The following CLTCL1 variants were observed in gnomAD, a reference collection of about 807,000 sequenced individuals.
CLTCL1 encodes the protein clathrin heavy chain 2.
In CLTCL1, 159 loss-of-function variants were observed where a neutral mutation model predicts 190.0. That is an observed-to-expected ratio of 0.84 (90% CI 0.74 to 0.95). The LOEUF is 0.95. Ranked by LOEUF, CLTCL1 falls within the 40% of genes least tolerant of loss-of-function variation. The pLI, the probability that CLTCL1 is intolerant of heterozygous loss-of-function variation, is 0.00. For missense variants in CLTCL1, 1,878 were observed against 2,033.4 expected (o/e 0.92, Z 1.47); for synonymous variants, 752 against 769.6 (o/e 0.98, Z 0.38).
intron 1 of CLTCL1, among the ~76,000 whole-genome samples, chr22:19,289,232 C>G (rs1004131575): frequency 3.9e-5 from 6 of 152,190 alleles, no homozygotes; most frequent in African/African-American, 1.4e-4. Context: ...ATCCACCCGC[C>G]TCGGCCTCCC....
chr22:19,260,943 A>T (rs80107726), intron 2 of CLTCL1, among the ~76,000 whole-genome samples: 3 of 151,478 alleles, frequency 2.0e-5, no homozygotes, highest in African/African-American at 7.3e-5. Context: ...AAAAAAAAAA[A>T]GGTTCCTTTC....
chr22:19,271,831 T>G (rs2518862), intron 2 of CLTCL1, among the ~76,000 whole-genome samples: 10,477 of 152,200 alleles, frequency 0.069, 419 homozygotes, highest in Middle Eastern at 0.16. Context: ...TCTTGGCCAA[T>G]TGAGGTGGCT....
intron 30 of CLTCL1, chr22:19,181,119 C>G: frequency 2.6e-6 from 1 of 389,374 alleles, no homozygotes; most frequent in Non-Finnish European, 4.7e-6. Flanking sequence ...GGGCCAAGTC[C>G]TCCTCTGGAT....
rs2088057666 is a variant in CLTCL1, at chr22:19,290,174, C to G, written c.42+1426G>C. 2.0e-5 allele frequency among the ~76,000 whole-genome samples: 3 copies of G among 152,118 alleles called. No homozygotes were observed. The South Asian group carries it at 6.2e-4, about 32-fold the overall frequency. On this transcript the variant is annotated intron_variant, in intron 1 of 32. Transcript: ENST00000427926. ...TAAAATATCTTGTTGCTTTCTTGCC[C>G]TTTGAAAAGAACATATTTAGATAGT...
At chr22:19,205,108 G>T (rs1163314948) in intron 22 of CLTCL1, among the ~76,000 whole-genome samples, 1 of 151,020 alleles carries the variant, frequency 6.6e-6, no homozygotes. Context: ...AAAAAACTTT[G>T]CAAACACAGG....
chr22:19,270,652 G>T (rs113152974), intron 2 of CLTCL1, among the ~76,000 whole-genome samples: 1 of 151,048 alleles, frequency 6.6e-6, no homozygotes, highest in East Asian at 2.0e-4. Flanking sequence ...GTGTGAACCC[G>T]GGAGGCAGAG....
intron 29 of CLTCL1, among the ~76,000 whole-genome samples, chr22:19,186,878 G>C (rs1555928554): frequency 6.6e-6 from 1 of 152,204 alleles, no homozygotes; most frequent in East Asian, 1.9e-4. Context: ...TGGGATTACA[G>C]GTGTGAGCCA....
At chr22:19,223,325 A>G (rs1300194024) in intron 14 of CLTCL1, among the ~76,000 whole-genome samples, 2 of 151,878 alleles carry the variant, frequency 1.3e-5, no homozygotes, top group Admixed American at 6.6e-5. Context: ...ATTTCCTCCA[A>G]TGGAACGTGA....
intron 11 of CLTCL1, among the ~76,000 whole-genome samples, chr22:19,229,411 G>A (rs2145839559): frequency 6.6e-6 from 1 of 152,296 alleles, no homozygotes; most frequent in Admixed American, 6.5e-5. Context: ...AGATTAGAAT[G>A]GCAGTTGTCA....
At chr22:19,191,469 C>T (rs782407499) in intron 26 of CLTCL1, 34 bp from the exon 27 acceptor site, 26 of 1,608,180 alleles carry the variant, frequency 1.6e-5, no homozygotes, top group East Asian at 6.7e-5. Flanking sequence ...CAGTCCCTGC[C>T]GCTGTCTCCA....
chr22:19,266,877 C>A (rs1294101412), intron 2 of CLTCL1, among the ~76,000 whole-genome samples: 1 of 152,112 alleles, frequency 6.6e-6, no homozygotes, highest in African/African-American at 2.4e-5. Context: ...ACCCCAAATC[C>A]ACAGCCAACA....
At chr22:19,266,830 A>T (rs1237643208) in intron 2 of CLTCL1, among the ~76,000 whole-genome samples, 1 of 152,200 alleles carries the variant, frequency 6.6e-6, no homozygotes, top group Non-Finnish European at 1.5e-5. Context: ...CACAGAAAAT[A>T]GAAGGGAACT....
intron 18 of CLTCL1, 71 bp downstream of exon 18, chr22:19,219,814 G>C: frequency 6.3e-7 from 1 of 1,597,084 alleles, no homozygotes; most frequent in Non-Finnish European, 8.6e-7. Flanking sequence ...AATGAAACCA[G>C]TCACTTGAGC....
intron 1 of CLTCL1, among the ~76,000 whole-genome samples, chr22:19,280,090 T>A (rs1601729950): frequency 1.3e-5 from 2 of 152,112 alleles, no homozygotes; most frequent in Admixed American, 1.3e-4. Flanking sequence ...TATACTAGAG[T>A]AACAATCAGA....
At chr22:19,225,743 G>C in intron 12 of CLTCL1, 110 bp from the exon 13 acceptor site, 1 of 1,032,522 alleles carries the variant, frequency 9.7e-7, no homozygotes, top group Non-Finnish European at 1.4e-6. Flanking sequence ...AAAATACAGA[G>C]AATTTCCACA....
At chr22:19,200,163 A>G (rs1222437790) in intron 23 of CLTCL1, among the ~76,000 whole-genome samples, 4 of 152,208 alleles carry the variant, frequency 2.6e-5, no homozygotes, top group Non-Finnish European at 4.4e-5. Flanking sequence ...AGGAAGGCTA[A>G]AAAATAATGA....
chr22:19,225,711 T>C (rs1257068039), intron 12 of CLTCL1, 78 bp from the exon 13 acceptor site: 1 of 1,294,468 alleles, frequency 7.7e-7, no homozygotes, highest in Non-Finnish European at 1.1e-6. Context: ...ACTAGGTCAT[T>C]CTCCTGTTCC....
In CLTCL1 at chr22:19,179,574, C is replaced by G. The variant is rs573035853; in HGVS notation, c.*416G>C. The G allele has an allele frequency of 6.5e-6, 1 of 154,924 alleles. No individual in the cohort carries two copies. Among genetic ancestry groups the G allele is most frequent in the Admixed American group, 6.3e-5 (1 of 15,840 alleles). 9.6% of individuals were successfully genotyped at this position (154,924 alleles called of 1,614,324 possible). A position where few individuals can be genotyped will look rare whatever the true frequency, so the allele number is the denominator to read the frequency against. ...AAACAAGACGTGTTCATGTAGTCTT[C>G]AAACTGGCCTGGAGGGGGCAGCTCC... is the stretch of plus-strand genomic sequence containing the variant. On this transcript the variant is annotated 3_prime_UTR_variant, in exon 33 of 33. Transcript: ENST00000427926.
intron 2 of CLTCL1, chr22:19,257,782 T>C (rs782260998): frequency 7.7e-5 from 110 of 1,421,724 alleles, no homozygotes; most frequent in Non-Finnish European, 9.8e-5. Context: ...ATGCAAAGCC[T>C]GAACGACCAC....
Sources: gnomAD v4.1 joint callset for allele counts (sites outside exome capture counted in the v4.1 genomes callset) on GRCh38, gnomAD v4.1.1 for gene constraint, MANE v1.5 for transcripts, NCBI Gene and HGNC (gene_info 2026-07-23, HGNC 2026-07-21) for gene names.